The following FOXK2 variants were observed in gnomAD, a reference collection of about 807,000 sequenced individuals.
FOXK2 encodes forkhead box protein K2.
A neutral mutation model predicts 53.3 loss-of-function variants in FOXK2; 24 were observed. The observed-to-expected ratio is 0.45, with a 90% confidence interval of 0.33 to 0.63. The LOEUF (loss-of-function observed/expected upper bound fraction) is 0.63. FOXK2 is among the 30% of genes least tolerant of loss of function. FOXK2 has a pLI of 0.03. For synonymous variants in FOXK2, 505 were observed against 407.1 expected (o/e 1.24, Z -2.89); for missense variants, 952 against 910.5 (o/e 1.05, Z -0.59).
intron 2 of FOXK2, among the ~76,000 whole-genome samples, chr17:82,567,285 G>A (rs2044862447): frequency 6.6e-6 from 1 of 152,098 alleles, no homozygotes; most frequent in Non-Finnish European, 1.5e-5. Flanking sequence ...CATTTCAATG[G>A]CTCGTTCTTT....
chr17:82,577,083 A>T, intron 4 of FOXK2: 1 of 457,750 alleles, frequency 2.2e-6, no homozygotes, highest in Admixed American at 3.6e-5. Context: ...AATTGTTTGA[A>T]CCCACATGGC....
chr17:82,592,782 G>A (rs927475810), intron 8 of FOXK2, among the ~76,000 whole-genome samples: 9 of 152,226 alleles, frequency 5.9e-5, no homozygotes, highest in Admixed American at 2.0e-4. Flanking sequence ...CGCACGCTTC[G>A]CAGTGAGAGT....
chr17:82,532,223 C>T (rs1053506266), intron 1 of FOXK2, among the ~76,000 whole-genome samples: 9 of 152,006 alleles, frequency 5.9e-5, no homozygotes, highest in Admixed American at 2.0e-4. Flanking sequence ...CGGCTCACTG[C>T]AGCCTCCGCC....
intron 1 of FOXK2, among the ~76,000 whole-genome samples, chr17:82,549,977 T>C (rs777669058): frequency 6.6e-6 from 1 of 152,058 alleles, no homozygotes; most frequent in Non-Finnish European, 1.5e-5. Flanking sequence ...TTGAGGTGGG[T>C]GCATCACTTG....
intron 1 of FOXK2, among the ~76,000 whole-genome samples, chr17:82,521,935 CAA>C (rs55776373): frequency 3.3e-5 from 4 of 119,656 alleles, no homozygotes; most frequent in Non-Finnish European, 1.8e-5. Context: ...GACTCCGCCT[CAA>C]AAAAAAAAAA....
intron 1 of FOXK2, among the ~76,000 whole-genome samples, chr17:82,544,923 T>C (rs1231546431): frequency 6.6e-6 from 1 of 151,684 alleles, no homozygotes; most frequent in Admixed American, 6.6e-5. Flanking sequence ...ACCCTCTCCA[T>C]GGTGTGCTCT....
intron 1 of FOXK2, among the ~76,000 whole-genome samples, chr17:82,552,513 A>T (rs911009276): frequency 2.6e-4 from 39 of 149,752 alleles, no homozygotes; most frequent in African/African-American, 9.0e-4. Context: ...TGTCGCTTTA[A>T]TCCTCTTCTA....
Position 82,604,074 on chromosome 17 carries a change from GCGT to G in FOXK2, c.*2580_*2582del. The G allele has an allele frequency of 6.6e-6, 1 of 152,354 alleles. No individual in the cohort carries two copies. The highest frequency in any genetic ancestry group is 2.1e-4 in the South Asian group (1 of 4,826). The allele number at this position is 152,354 out of a possible 1,614,324, so 9.4% of individuals were successfully genotyped here. A position where few individuals can be genotyped will look rare whatever the true frequency, so the allele number is the denominator to read the frequency against. ...CTGCAGCACCTTTGGGAGAGGTCCT[GCGT>G]CGTCCTCAGCTGCGTCGCTGTGAAC... On this transcript the variant is annotated 3_prime_UTR_variant, in exon 9 of 9. Coordinates refer to ENST00000335255, the MANE Select transcript of FOXK2 (RefSeq NM_004514.4).
intron 4 of FOXK2, among the ~76,000 whole-genome samples, chr17:82,573,470 A>C (rs1034674038): frequency 6.6e-6 from 1 of 152,040 alleles, no homozygotes; most frequent in Non-Finnish European, 1.5e-5. Flanking sequence ...ATTGCATGCT[A>C]AATTCTGGCC....
chr17:82,553,226 G>A (rs376642349), intron 1 of FOXK2, among the ~76,000 whole-genome samples: 2 of 152,216 alleles, frequency 1.3e-5, no homozygotes, highest in Non-Finnish European at 2.9e-5. Flanking sequence ...GTGAGCCACC[G>A]TGCCCAGCCA....
chr17:82,535,080 A>G (rs978839277), intron 1 of FOXK2, among the ~76,000 whole-genome samples: 1 of 152,098 alleles, frequency 6.6e-6, no homozygotes, highest in Non-Finnish European at 1.5e-5. Flanking sequence ...GGGTTTCCAC[A>G]TGTTGGTTAG....
At chr17:82,594,665 C>T (rs915403942) in intron 8 of FOXK2, among the ~76,000 whole-genome samples, 21 of 152,336 alleles carry the variant, frequency 1.4e-4, no homozygotes, top group Middle Eastern at 3.4e-3. Context: ...GGGAACGTCC[C>T]CTTGTGAGTG....
intron 5 of FOXK2, among the ~76,000 whole-genome samples, chr17:82,583,683 G>C (rs2045095142): frequency 2.0e-5 from 3 of 152,132 alleles, no homozygotes; most frequent in Admixed American, 1.3e-4. Flanking sequence ...CGTAACGTAA[G>C]TCTTAAATGC....
intron 8 of FOXK2, chr17:82,593,872 G>A (rs189350746): frequency 5.2e-5 from 8 of 152,456 alleles, no homozygotes; most frequent in Middle Eastern, 3.4e-3. Context: ...GCCTCAAAGC[G>A]GAGCCTTTCC....
chr17:82,524,102 T>C (rs1447761803), intron 1 of FOXK2, among the ~76,000 whole-genome samples: 1 of 152,084 alleles, frequency 6.6e-6, no homozygotes, highest in African/African-American at 2.4e-5. Flanking sequence ...TTGGCCAGGC[T>C]GGTCTCAAAC....
chr17:82,536,599 C>T (rs559484862), intron 1 of FOXK2, among the ~76,000 whole-genome samples: 10 of 152,250 alleles, frequency 6.6e-5, no homozygotes, highest in Non-Finnish European at 7.3e-5. Flanking sequence ...ACAGTCTTTA[C>T]GAACTGGCTC....
At chr17:82,587,813 A>G (rs966156649) in intron 8 of FOXK2, among the ~76,000 whole-genome samples, 6 of 152,114 alleles carry the variant, frequency 3.9e-5, no homozygotes, top group Non-Finnish European at 7.4e-5. Flanking sequence ...AAAGGGTGGG[A>G]GTCCCTGCTG....
intron 8 of FOXK2, among the ~76,000 whole-genome samples, chr17:82,596,521 G>A (rs2045314625): frequency 6.6e-6 from 1 of 152,280 alleles, no homozygotes; most frequent in Non-Finnish European, 1.5e-5. Context: ...GCGCACACGT[G>A]GGGACTGTTT....
intron 1 of FOXK2, among the ~76,000 whole-genome samples, chr17:82,522,876 C>T (rs531496686): frequency 6.6e-6 from 1 of 152,152 alleles, no homozygotes; most frequent in South Asian, 2.1e-4. Context: ...CTTGCTGCAA[C>T]CTCCGCCTCC....
Sources: gnomAD v4.1 joint callset for allele counts (sites outside exome capture counted in the v4.1 genomes callset) on GRCh38, gnomAD v4.1.1 for gene constraint, MANE v1.5 for transcripts, NCBI Gene and HGNC (gene_info 2026-07-23, HGNC 2026-07-21) for gene names.